CSTPP1: variants seen among roughly 807,000 people sequenced by gnomAD.
The protein encoded by CSTPP1 is centriolar satellite-associated tubulin polyglutamylase complex regulator 1.
chr11:47,054,081 G>A, the CSTPP1 span, among the ~76,000 whole-genome samples: 8 of 151,044 alleles, frequency 5.3e-5, no homozygotes, highest in South Asian at 2.1e-4. Flanking sequence ...AGGCCGAGGC[G>A]GGCAGATCAC....
the CSTPP1 span, among the ~76,000 whole-genome samples, chr11:46,995,875 G>A: frequency 1.3e-5 from 2 of 152,046 alleles, no homozygotes; most frequent in Admixed American, 6.6e-5. Context: ...TTGACAGTGG[G>A]GTGTTAAAGT....
At chr11:47,067,308 A>G in the CSTPP1 span, among the ~76,000 whole-genome samples, 3 of 152,146 alleles carry the variant, frequency 2.0e-5, no homozygotes, top group Non-Finnish European at 4.4e-5. Context: ...TTGTTTGGAG[A>G]AAAATAAATG....
the CSTPP1 span, among the ~76,000 whole-genome samples, chr11:47,033,351 G>A: frequency 1.3e-5 from 2 of 152,184 alleles, no homozygotes; most frequent in South Asian, 4.1e-4. Context: ...GTCAAAAGCA[G>A]TCTTGAATAG....
chr11:47,017,362 A>G, the CSTPP1 span, among the ~76,000 whole-genome samples: 1 of 151,804 alleles, frequency 6.6e-6, no homozygotes, highest in Admixed American at 6.6e-5. Context: ...TTTAGTAGAG[A>G]TGGGGTTTCA....
At chr11:46,977,355 C>G in the CSTPP1 span, among the ~76,000 whole-genome samples, 2 of 152,198 alleles carry the variant, frequency 1.3e-5, no homozygotes. Flanking sequence ...TTGCATGTCT[C>G]TCTTGTGATG....
chr11:47,043,521 G>A, the CSTPP1 span, among the ~76,000 whole-genome samples: 11,092 of 152,200 alleles, frequency 0.073, 565 homozygotes, highest in Non-Finnish European at 0.11. Flanking sequence ...TCCAATACAA[G>A]ACCTGGTTCT....
chr11:46,990,932 T>C, the CSTPP1 span, among the ~76,000 whole-genome samples: 1 of 152,204 alleles, frequency 6.6e-6, no homozygotes, highest in Admixed American at 6.5e-5. Flanking sequence ...AAAGATAAGA[T>C]TGTTTTAAGT....
chr11:47,084,062 T>A, the CSTPP1 span, among the ~76,000 whole-genome samples: 3 of 152,246 alleles, frequency 2.0e-5, no homozygotes, highest in Admixed American at 6.5e-5. Context: ...CAATTGCTTG[T>A]TAACATTTGG....
chr11:47,017,506 A>T, the CSTPP1 span, among the ~76,000 whole-genome samples: 1 of 151,782 alleles, frequency 6.6e-6, no homozygotes, highest in Non-Finnish European at 1.5e-5. Context: ...GTATATATAC[A>T]GAACAATTTC....
At chr11:46,997,254 C>G in the CSTPP1 span, among the ~76,000 whole-genome samples, 2,296 of 152,242 alleles carry the variant, frequency 0.015, 60 homozygotes, top group African/African-American at 0.053. Context: ...TTGTTCGTTT[C>G]TTTTTACTCT....
the CSTPP1 span, among the ~76,000 whole-genome samples, chr11:47,053,630 A>G: frequency 6.6e-6 from 1 of 151,822 alleles, no homozygotes; most frequent in Admixed American, 6.6e-5. Flanking sequence ...AAAAAAAAAA[A>G]AAAAGAAAAA....
chr11:47,153,649 C>T, the CSTPP1 span, among the ~76,000 whole-genome samples: 1 of 152,156 alleles, frequency 6.6e-6, no homozygotes, highest in African/African-American at 2.4e-5. Context: ...TAAAATTTAA[C>T]GAATGCAGTT....
chr11:46,946,521 G>C, the CSTPP1 span, among the ~76,000 whole-genome samples: 3 of 152,190 alleles, frequency 2.0e-5, no homozygotes, highest in Non-Finnish European at 2.9e-5. Context: ...AGCCGGGCGT[G>C]GTGGCAGGCG....
the CSTPP1 span, chr11:47,103,649 G>A: frequency 6.7e-6 from 1 of 148,722 alleles, no homozygotes; most frequent in Non-Finnish European, 1.5e-5. Context: ...TTGCTTAGCA[G>A]CCCTGAAACA....
chr11:47,025,008 A>G, the CSTPP1 span, among the ~76,000 whole-genome samples: 6 of 152,202 alleles, frequency 3.9e-5, no homozygotes, highest in Non-Finnish European at 7.4e-5. Context: ...TTCCTGTGGT[A>G]TAATACTGAA....
At chr11:47,073,107 G>A in the CSTPP1 span, among the ~76,000 whole-genome samples, 3 of 152,114 alleles carry the variant, frequency 2.0e-5, no homozygotes, top group Non-Finnish European at 4.4e-5. Flanking sequence ...TTTTTATAAT[G>A]AGCATATAAC....
At chr11:46,942,800 T>C in the CSTPP1 span, among the ~76,000 whole-genome samples, 115 of 152,342 alleles carry the variant, frequency 7.5e-4, no homozygotes, top group African/African-American at 2.4e-3. Flanking sequence ...ATAAGGAAGC[T>C]GAGGCTTAGA....
At chr11:47,017,009 A>ATT in the CSTPP1 span, among the ~76,000 whole-genome samples, 1 of 134,648 alleles carries the variant, frequency 7.4e-6, no homozygotes. Context: ...CGCCTGGCTA[A>ATT]TTTTTTTTTT....
the CSTPP1 span, among the ~76,000 whole-genome samples, chr11:46,964,255 G>C: frequency 6.6e-6 from 1 of 151,150 alleles, no homozygotes; most frequent in Non-Finnish European, 1.5e-5. Flanking sequence ...ACAATGTACA[G>C]TTCCAGAATT....
Sources: allele counts gnomAD v4.1 joint callset (sites outside exome capture counted in the v4.1 genomes callset), GRCh38; gene constraint gnomAD v4.1.1; transcripts MANE v1.5; gene names NCBI Gene and HGNC (gene_info 2026-07-23, HGNC 2026-07-21).